Variants in DIP2C observed in about 807,000 individuals in gnomAD.
DIP2C encodes DIP2 acetate--CoA ligase C (putative).
A neutral mutation model predicts 192.4 loss-of-function variants in DIP2C; 33 were observed. That is an observed-to-expected ratio of 0.17 (90% CI 0.13 to 0.23). The LOEUF is 0.23. Among genes scored for constraint, DIP2C ranks in the 10% least tolerant of loss-of-function variants. DIP2C has a pLI of 1.00. For missense variants in DIP2C, 1,537 were observed against 2,110.1 expected, an observed-to-expected ratio of 0.73 and a Z score of 5.32; for synonymous variants, 979 against 864.1, an observed-to-expected ratio of 1.13 and a Z score of -2.33.
chr10:562,810 A>C (rs1849289167), intron 1 of DIP2C, among the ~76,000 whole-genome samples: 1 of 152,248 alleles, frequency 6.6e-6, no homozygotes, highest in Non-Finnish European at 1.5e-5. Flanking sequence ...GGACACACTC[A>C]ACACAGAAAT....
At chr10:479,152 T>C (rs1327023172) in intron 2 of DIP2C, among the ~76,000 whole-genome samples, 2 of 152,160 alleles carry the variant, frequency 1.3e-5, no homozygotes, top group East Asian at 3.8e-4. Context: ...ATCGTAAAAC[T>C]TTCTAAAATA....
At chr10:474,296 A>G (rs532591926) in intron 2 of DIP2C, among the ~76,000 whole-genome samples, 2 of 152,288 alleles carry the variant, frequency 1.3e-5, no homozygotes, top group South Asian at 4.1e-4. Context: ...GTGTGCTACA[A>G]ATACCGTTCT....
At chr10:316,960 C>G (rs1250320004) in intron 31 of DIP2C, among the ~76,000 whole-genome samples, 1 of 152,190 alleles carries the variant, frequency 6.6e-6, no homozygotes, top group East Asian at 1.9e-4. Flanking sequence ...GTCTTCAGCT[C>G]TCTGATGGAT....
At chr10:446,886 G>A (rs1434059845) in intron 3 of DIP2C, among the ~76,000 whole-genome samples, 1 of 152,160 alleles carries the variant, frequency 6.6e-6, no homozygotes, top group African/African-American at 2.4e-5. Flanking sequence ...ATTTTTGAAT[G>A]ATGAGCCAAG....
chr10:286,195 G>A, intron 34 of DIP2C, 78 bp downstream of exon 34: 2 of 1,335,296 alleles, frequency 1.5e-6, no homozygotes, highest in Non-Finnish European at 2.1e-6. Context: ...GGGCATGTGA[G>A]CAGTTCTGAT....
intron 9 of DIP2C, among the ~76,000 whole-genome samples, chr10:406,945 G>A (rs1964847972): frequency 6.6e-6 from 1 of 151,928 alleles, no homozygotes; most frequent in South Asian, 2.1e-4. Context: ...AAGACAGCAG[G>A]AAAAACTCAG....
At chr10:448,760 C>CCGCT (rs1968571699) in intron 3 of DIP2C, among the ~76,000 whole-genome samples, 1 of 149,190 alleles carries the variant, frequency 6.7e-6, no homozygotes, top group Non-Finnish European at 1.5e-5. Flanking sequence ...GCAGCAGGAC[C>CCGCT]CACTCACCCC....
intron 1 of DIP2C, among the ~76,000 whole-genome samples, chr10:581,122 C>T (rs1478887869): frequency 6.6e-6 from 1 of 152,126 alleles, no homozygotes; most frequent in Non-Finnish European, 1.5e-5. Flanking sequence ...GAATGCAATC[C>T]AACACCAAAG....
At chr10:342,849 C>CA (rs1194180548) in intron 28 of DIP2C, among the ~76,000 whole-genome samples, 2 of 152,178 alleles carry the variant, frequency 1.3e-5, no homozygotes, top group Non-Finnish European at 2.9e-5. Context: ...AGTCCCCCTA[C>CA]AGTCTGTGTG....
At chr10:483,845 C>G (rs1214890589) in intron 2 of DIP2C, among the ~76,000 whole-genome samples, 1 of 151,892 alleles carries the variant, frequency 6.6e-6, no homozygotes, top group Non-Finnish European at 1.5e-5. Context: ...GAGACAGGGT[C>G]TCGCTCTGTC....
chr10:337,800 C>CGTGTGTTGCGGAGGCCTAGGCAGCTGTGT (rs749822515), intron 29 of DIP2C, among the ~76,000 whole-genome samples: 1 of 122,548 alleles, frequency 8.2e-6, no homozygotes, highest in Non-Finnish European at 1.7e-5. Flanking sequence ...TGTGTGTGCA[C>CGTGTGTTGCGGAGGCCTAGGCAGCTGTGT]GTGTGTCGTG....
At chr10:463,875 C>A (rs190470521) in intron 3 of DIP2C, among the ~76,000 whole-genome samples, 1 of 152,094 alleles carries the variant, frequency 6.6e-6, no homozygotes, top group African/African-American at 2.4e-5. Context: ...ACAAACCTGA[C>A]AAAAAGCAAG....
At chr10:532,560 A>T (rs71489251) in intron 1 of DIP2C, among the ~76,000 whole-genome samples, 4,824 of 97,216 alleles carry the variant, frequency 0.05, 391 homozygotes, top group Middle Eastern at 0.12. Context: ...AGTATGGGTG[A>T]GAGAGAGAGT....
At chr10:617,697 G>A (rs2085346) in intron 1 of DIP2C, among the ~76,000 whole-genome samples, 4,387 of 137,912 alleles carry the variant, frequency 0.032, 101 homozygotes, top group East Asian at 0.13. Context: ...TTCCACTTGC[G>A]GTTCCGAAGG....
rs1474200846 is a variant in DIP2C at position 652,079 on chromosome 10, C to T, written c.85+37415G>A. Reference sequence around the variant, plus strand: ...TATAAGTTGACCCACAAAGCTCAAGCTTGTGTGGTACAAGAGTCAACTGTA... The same window carrying T: ...TATAAGTTGACCCACAAAGCTCAAGTTTGTGTGGTACAAGAGTCAACTGTA... On this transcript the variant is annotated intron_variant, in intron 1 of 36. Transcript: ENST00000280886. This position sits in a 1 kb window ranked among gnomAD's most constrained non-coding sequence, Gnocchi z 4.5. 1 of 159,182 alleles carries T rather than the reference C, an allele frequency of 6.3e-6. No homozygotes were observed. The highest frequency in any genetic ancestry group is 6.3e-5 in the Admixed American group (1 of 16,000). The allele number at this position is 159,182 out of a possible 1,614,324, so 9.9% of individuals were successfully genotyped here. A position where few individuals can be genotyped will look rare whatever the true frequency, so the allele number is the denominator to read the frequency against.
intron 10 of DIP2C, among the ~76,000 whole-genome samples, chr10:397,255 C>T (rs1005462889): frequency 6.6e-6 from 1 of 152,146 alleles, no homozygotes; most frequent in South Asian, 2.1e-4. Context: ...AGGGGCCAGG[C>T]GCAGTGGCTC....
At chr10:431,768 C>A (rs956618359) in intron 4 of DIP2C, among the ~76,000 whole-genome samples, 1 of 152,178 alleles carries the variant, frequency 6.6e-6, no homozygotes, top group South Asian at 2.1e-4. Context: ...ACTTCTAGTA[C>A]AATGTTGAAA....
At position 309,843 on chromosome 10, in the gene DIP2C, G is replaced by C. The variant is rs140491060; in HGVS notation, c.3986+188C>G. 8.2e-3 allele frequency among the ~76,000 whole-genome samples: 1,255 copies of C among 152,194 alleles called. 32 individuals carry two copies. The highest frequency in any genetic ancestry group is 0.054 in the Admixed American group (824 of 15,288). On this transcript the variant is annotated intron_variant, in intron 32 of 36. Coordinates refer to ENST00000280886, the MANE Select transcript of DIP2C (RefSeq NM_014974.3). ...TGGGATTACAGGCGTGAGCCACCAT[G>C]CCTGGCCAGAGTTTTCAATTGCAAA...
At chr10:547,717 T>TC (rs1212154035) in intron 1 of DIP2C, among the ~76,000 whole-genome samples, 20 of 152,202 alleles carry the variant, frequency 1.3e-4, no homozygotes, top group Admixed American at 1.2e-3. Context: ...CACGTGCTTT[T>TC]CCCACAGGCT....
Sources: gnomAD v4.1 joint callset for allele counts (sites outside exome capture counted in the v4.1 genomes callset) on GRCh38, gnomAD v4.1.1 for gene constraint, Gnocchi (gnomAD v3.1) non-coding constraint, MANE v1.5 for transcripts, NCBI Gene and HGNC (gene_info 2026-07-23, HGNC 2026-07-21) for gene names.